C1QTNF3: variants seen among roughly 807,000 people sequenced by gnomAD.
C1QTNF3 encodes complement C1q tumor necrosis factor-related protein 3.
C1QTNF3 carries 26 observed loss-of-function variants against 32.6 expected under a neutral mutation model. The ratio of observed to expected loss-of-function variants is 0.80; its 90% confidence interval spans 0.58 to 1.11. The LOEUF (loss-of-function observed/expected upper bound fraction) is 1.11, where lower values mean the gene tolerates loss of function less well. Among genes scored for constraint, C1QTNF3 ranks in the 50% least tolerant of loss-of-function variants. The pLI, the probability that C1QTNF3 is intolerant of heterozygous loss-of-function variation, is 0.00. For synonymous variants in C1QTNF3, 155 were observed against 146.0 expected (o/e 1.06, Z -0.44); for missense variants, 362 against 398.2 (o/e 0.91, Z 0.77).
upstream of C1QTNF3, among the ~76,000 whole-genome samples, chr5:34,044,536 C>T (rs1017636280): frequency 3.3e-5 from 5 of 152,090 alleles, no homozygotes; most frequent in African/African-American, 1.2e-4. Flanking sequence ...ATTGCTCAGC[C>T]AAGGGCCTGA....
At chr5:34,094,679 A>AT in the C1QTNF3 span, among the ~76,000 whole-genome samples, 7 of 151,264 alleles carry the variant, frequency 4.6e-5, no homozygotes, top group East Asian at 1.9e-4. Context: ...TTTCTTTTTT[A>AT]TTTTTCTTTC....
At chr5:34,097,214 G>A in the C1QTNF3 span, among the ~76,000 whole-genome samples, 19 of 151,274 alleles carry the variant, frequency 1.3e-4, no homozygotes, top group Non-Finnish European at 2.2e-4. Context: ...AAAAAAAACC[G>A]AAACATTTTG....
chr5:34,188,531 G>A, the C1QTNF3 span, among the ~76,000 whole-genome samples: 2 of 151,160 alleles, frequency 1.3e-5, no homozygotes, highest in African/African-American at 2.4e-5. Context: ...GTGACACATG[G>A]AGTCAAAGGA....
At chr5:34,168,872 C>G in the C1QTNF3 span, 1 of 152,154 alleles carries the variant, frequency 6.6e-6, no homozygotes, top group Non-Finnish European at 1.5e-5. Flanking sequence ...ATGTGTCCCT[C>G]AAAATTCATG....
chr5:34,215,777 A>G, the C1QTNF3 span, among the ~76,000 whole-genome samples: 21 of 152,258 alleles, frequency 1.4e-4, no homozygotes, highest in Admixed American at 9.8e-4. Context: ...ATACCACAGG[A>G]ACATGCCACC....
At chr5:34,068,240 G>T in the C1QTNF3 span, among the ~76,000 whole-genome samples, 1 of 151,884 alleles carries the variant, frequency 6.6e-6, no homozygotes, top group African/African-American at 2.4e-5. Context: ...AATTCCTAGT[G>T]GTTTTTGCTT....
At chr5:34,098,971 A>G in the C1QTNF3 span, among the ~76,000 whole-genome samples, 2 of 152,200 alleles carry the variant, frequency 1.3e-5, no homozygotes, top group Non-Finnish European at 2.9e-5. Context: ...GTTCTTTTCT[A>G]TATGTGGCAA....
At chr5:34,215,169 T>A in the C1QTNF3 span, among the ~76,000 whole-genome samples, 8 of 152,270 alleles carry the variant, frequency 5.3e-5, no homozygotes, top group South Asian at 1.7e-3. Flanking sequence ...GGTAGTTTGT[T>A]TCAAATGATT....
the C1QTNF3 span, among the ~76,000 whole-genome samples, chr5:34,063,055 G>C: frequency 2.0e-5 from 3 of 152,114 alleles, no homozygotes; most frequent in Non-Finnish European, 4.4e-5. Context: ...GGTGGTCTCG[G>C]TGTTTTCAGG....
At chr5:34,047,056 G>T (rs1479689457), upstream of C1QTNF3, among the ~76,000 whole-genome samples, 3 of 152,144 alleles carry the variant, frequency 2.0e-5, no homozygotes, top group African/African-American at 7.2e-5. Flanking sequence ...AATAACAATT[G>T]GGCATAATTT....
At chr5:34,023,823 A>G in intron 5 of C1QTNF3, 86 bp downstream of exon 5, 1 of 980,854 alleles carries the variant, frequency 1.0e-6, no homozygotes, top group Non-Finnish European at 1.6e-6. Flanking sequence ...GGCTCTATTG[A>G]CTCCTATACG....
At chr5:34,113,953 A>T in the C1QTNF3 span, among the ~76,000 whole-genome samples, 1 of 152,224 alleles carries the variant, frequency 6.6e-6, no homozygotes, top group South Asian at 2.1e-4. Context: ...CATATCCATC[A>T]TAGACACATT....
the C1QTNF3 span, among the ~76,000 whole-genome samples, chr5:34,059,554 C>A: frequency 6.6e-6 from 1 of 152,080 alleles, no homozygotes; most frequent in African/African-American, 2.4e-5. Context: ...CTTCACATGG[C>A]AATAGGGGCT....
At chr5:34,184,777 T>A in the C1QTNF3 span, among the ~76,000 whole-genome samples, 1 of 152,292 alleles carries the variant, frequency 6.6e-6, no homozygotes, top group African/African-American at 2.4e-5. Context: ...ACTGGGCATT[T>A]AATAACAAAA....
the C1QTNF3 span, among the ~76,000 whole-genome samples, chr5:34,223,008 T>C: frequency 6.6e-6 from 1 of 151,958 alleles, no homozygotes; most frequent in African/African-American, 2.4e-5. Flanking sequence ...TGAACATTTT[T>C]TTAAAAAATG....
the C1QTNF3 span, among the ~76,000 whole-genome samples, chr5:34,117,025 C>T: frequency 6.6e-6 from 1 of 151,984 alleles, no homozygotes; most frequent in Non-Finnish European, 1.5e-5. Flanking sequence ...AAACATATAG[C>T]TGGATATTGA....
At chr5:34,059,030 A>G in the C1QTNF3 span, among the ~76,000 whole-genome samples, 8 of 152,244 alleles carry the variant, frequency 5.3e-5, no homozygotes, top group Non-Finnish European at 1.0e-4. Context: ...GCAGGAGAGC[A>G]GATGCAAAGC....
At chr5:34,026,486 AAAG>A in intron 4 of C1QTNF3, among the ~76,000 whole-genome samples, 1 of 119,500 alleles carries the variant, frequency 8.4e-6, no homozygotes, top group African/African-American at 3.8e-5. Context: ...AAAGAAAAGA[AAAG>A]AAAGAAAAAA....
At chr5:34,054,961 T>C in the C1QTNF3 span, among the ~76,000 whole-genome samples, 2 of 152,358 alleles carry the variant, frequency 1.3e-5, no homozygotes. Flanking sequence ...AATCATCACA[T>C]GTTGTCTTAG....
Sources: allele counts gnomAD v4.1 joint callset (sites outside exome capture counted in the v4.1 genomes callset), GRCh38; gene constraint gnomAD v4.1.1; transcripts MANE v1.5; gene names NCBI Gene and HGNC (gene_info 2026-07-23, HGNC 2026-07-21).